Variants in TRERF1 observed in about 807,000 individuals in gnomAD.
The protein encoded by TRERF1 is transcriptional regulating factor 1.
Under a neutral mutation model 122.9 loss-of-function variants are expected in TRERF1, and 27 were observed. The ratio of observed to expected loss-of-function variants is 0.22; its 90% CI spans 0.16 to 0.30. TRERF1 has a LOEUF of 0.30. Among genes scored for constraint, TRERF1 ranks in the 10% least tolerant of loss-of-function variants. The pLI is 1.00. For missense variants in TRERF1, 1,248 were observed against 1,560.3 expected, an observed-to-expected ratio of 0.80 and a Z score of 3.37; for synonymous variants, 636 against 641.7, an observed-to-expected ratio of 0.99 and a Z score of 0.13.
chr6:42,335,091 C>T (rs1327380047), intron 3 of TRERF1, among the ~76,000 whole-genome samples: 1 of 152,198 alleles, frequency 6.6e-6, no homozygotes, highest in South Asian at 2.1e-4. Context: ...GCCTTCTACA[C>T]AGCAAAACTA....
At chr6:42,351,467 AG>A (rs1379026142) in intron 3 of TRERF1, among the ~76,000 whole-genome samples, 1 of 152,252 alleles carries the variant, frequency 6.6e-6, no homozygotes, top group African/African-American at 2.4e-5. Context: ...TTAAAGACAC[AG>A]GGAAATGTTC....
intron 2 of TRERF1, among the ~76,000 whole-genome samples, chr6:42,405,067 T>C (rs938820989): frequency 6.6e-6 from 1 of 152,182 alleles, no homozygotes; most frequent in Non-Finnish European, 1.5e-5. Flanking sequence ...TCCAGAACTC[T>C]GGGTATTATT....
chr6:42,404,074 T>C (rs891279520), intron 2 of TRERF1, among the ~76,000 whole-genome samples: 1 of 150,882 alleles, frequency 6.6e-6, no homozygotes. Context: ...AGAGGGAACA[T>C]GCTGTGCCTG....
chr6:42,290,741 CTTTTT>C (rs144168592), intron 4 of TRERF1, among the ~76,000 whole-genome samples: 2,925 of 92,268 alleles, frequency 0.032, 29 homozygotes, highest in Non-Finnish European at 0.041. Flanking sequence ...CATTTCTTTC[CTTTTT>C]TTTTTTTTTT....
intron 2 of TRERF1, among the ~76,000 whole-genome samples, chr6:42,395,903 T>A (rs977068271): frequency 6.6e-6 from 1 of 152,026 alleles, no homozygotes; most frequent in African/African-American, 2.4e-5. Flanking sequence ...TCAAACTACC[T>A]CACGCTCACT....
At chr6:42,333,497 C>T (rs1293343080) in intron 3 of TRERF1, among the ~76,000 whole-genome samples, 1 of 152,232 alleles carries the variant, frequency 6.6e-6, no homozygotes, top group Non-Finnish European at 1.5e-5. Flanking sequence ...GCTCACTGCA[C>T]CTGACACAAA....
intron 2 of TRERF1, among the ~76,000 whole-genome samples, chr6:42,368,790 T>C (rs938954181): frequency 2.6e-5 from 4 of 152,328 alleles, no homozygotes; most frequent in African/African-American, 9.6e-5. Flanking sequence ...TTGCAGGACA[T>C]AGGCATTATA....
intron 15 of TRERF1, among the ~76,000 whole-genome samples, chr6:42,237,528 G>A (rs1335643642): frequency 6.6e-6 from 1 of 152,144 alleles, no homozygotes; most frequent in Non-Finnish European, 1.5e-5. Flanking sequence ...TTTTATAAAC[G>A]AGGAAGGAAA....
At chr6:42,392,337 A>C (rs1777884069) in intron 2 of TRERF1, among the ~76,000 whole-genome samples, 1 of 152,176 alleles carries the variant, frequency 6.6e-6, no homozygotes. Flanking sequence ...GATAATAATC[A>C]TGTATTCTTT....
intron 15 of TRERF1, among the ~76,000 whole-genome samples, chr6:42,237,961 C>T (rs922163081): frequency 1.3e-5 from 2 of 152,150 alleles, no homozygotes; most frequent in African/African-American, 2.4e-5. Context: ...TAGTAATGAT[C>T]ACATTTGTTA....
chr6:42,428,243 T>C (rs2151632131), intron 2 of TRERF1, among the ~76,000 whole-genome samples: 1 of 152,356 alleles, frequency 6.6e-6, no homozygotes, highest in African/African-American at 2.4e-5. Flanking sequence ...AAAACAATTG[T>C]AGGCTCAATG....
In TRERF1 at chr6:42,268,087, C is replaced by T; in HGVS notation, c.1437+67G>A. 1 of 1,371,212 alleles carries T rather than the reference C, an allele frequency of 7.3e-7. No homozygotes were observed. 84.9% of individuals were successfully genotyped at this position (1,371,212 alleles called of 1,614,324 possible). ...GAGGGGGCTTGGAGAGAGGATTGAGCACTGCAGACTCAGCCCTGACCCTGT... is the reference window on the plus strand; with the variant it reads ...GAGGGGGCTTGGAGAGAGGATTGAGTACTGCAGACTCAGCCCTGACCCTGT... On this transcript the variant is annotated intron_variant, in intron 5 of 17. Coordinates refer to ENST00000372922, the Ensembl canonical transcript of TRERF1. The surrounding 1 kb of genome is among the most constrained non-coding windows in gnomAD (Gnocchi z 4.4).
At chr6:42,387,560 C>A (rs1777013369) in intron 2 of TRERF1, among the ~76,000 whole-genome samples, 1 of 152,220 alleles carries the variant, frequency 6.6e-6, no homozygotes, top group Non-Finnish European at 1.5e-5. Flanking sequence ...AGGTGGTTTT[C>A]TAAGCCACAA....
intron 4 of TRERF1, among the ~76,000 whole-genome samples, chr6:42,287,418 CG>C (rs1465954552): frequency 5.3e-5 from 8 of 152,028 alleles, no homozygotes; most frequent in Non-Finnish European, 8.8e-5. Flanking sequence ...TGTTTAGAGA[CG>C]ATGTGGAAAC....
intron 3 of TRERF1, among the ~76,000 whole-genome samples, chr6:42,328,322 T>TAAAA (rs1159001200): frequency 6.6e-6 from 1 of 151,854 alleles, no homozygotes; most frequent in African/African-American, 2.4e-5. Flanking sequence ...TATCCCTAAT[T>TAAAA]AAAAAACAAA....
At position 42,287,292 on chromosome 6, in the gene TRERF1, T is replaced by TAA. The variant is rs1187993828; in HGVS notation, c.-259+13344_-259+13345dup. 4.5e-3 allele frequency among the ~76,000 whole-genome samples: 555 copies of TAA among 124,446 alleles called. 2 individuals are homozygous for TAA. Among genetic ancestry groups the TAA allele is most frequent in the African/African-American group, 0.015 (517 of 33,930 alleles). The allele number at this position is 124,446 out of a possible 152,430, so 81.6% of individuals were successfully genotyped here. A position where few individuals can be genotyped will look rare whatever the true frequency, so the allele number is the denominator to read the frequency against. On this transcript the variant is annotated intron_variant, in intron 4 of 17. Transcript: ENST00000372922. The stretch of plus-strand genomic sequence containing the variant: ...ATGTACCCTAAAACTTAAAGTATAA[T>TAA]AAAAAAAAAAAAAAGAAAAGGATGG...
chr6:42,272,160 G>A (rs1780328697), intron 4 of TRERF1, among the ~76,000 whole-genome samples: 1 of 152,114 alleles, frequency 6.6e-6, no homozygotes, highest in East Asian at 1.9e-4. Flanking sequence ...CTGTATGAAG[G>A]GGCAAAGAGT....
At chr6:42,329,861 C>A (rs1462890881) in intron 3 of TRERF1, among the ~76,000 whole-genome samples, 1 of 151,846 alleles carries the variant, frequency 6.6e-6, no homozygotes, top group African/African-American at 2.4e-5. Flanking sequence ...GTGGTGGGGG[C>A]GCCTGTAATC....
chr6:42,421,398 T>G (rs1293643458), intron 2 of TRERF1, among the ~76,000 whole-genome samples: 1 of 152,214 alleles, frequency 6.6e-6, no homozygotes, highest in Non-Finnish European at 1.5e-5. Context: ...AAGAAACAAA[T>G]GCTGACCCAT....
Sources: allele counts gnomAD v4.1 joint callset (sites outside exome capture counted in the v4.1 genomes callset), GRCh38; gene constraint gnomAD v4.1.1; non-coding constraint Gnocchi (gnomAD v3.1); transcripts MANE v1.5; gene names NCBI Gene and HGNC (gene_info 2026-07-23, HGNC 2026-07-21).